The following PRH2 variants were observed in gnomAD, a reference collection of about 807,000 sequenced individuals.
The protein encoded by PRH2 is proline rich protein HaeIII subfamily 2, also known as salivary acidic proline-rich phosphoprotein 1/2.
In PRH2, 19 loss-of-function variants were observed where a neutral mutation model predicts 22.6. The observed-to-expected ratio is 0.84, with a 90% CI of 0.59 to 1.23. The LOEUF (loss-of-function observed/expected upper bound fraction) is 1.23, where lower values mean the gene tolerates loss of function less well. PRH2 is among the 50% of genes most tolerant of loss of function. The pLI is 0.00. For synonymous variants in PRH2, 45 were observed against 72.0 expected (o/e 0.63, Z 1.90); for missense variants, 109 against 203.0 (o/e 0.54, Z 2.81).
At position 10,933,174 on chromosome 12, in the gene PRH2, C is replaced by A. The variant is rs1052137454; in HGVS notation, c.*967C>A. ...TGTTTTAAAAGATGAGTTTTTCCTA[C>A]ATTCTGAAAAGCAAACATGAAAAAC... On this transcript the variant is annotated 3_prime_UTR_variant, in exon 4 of 4. Transcript: ENST00000396400. 1.3e-5 allele frequency among the ~76,000 whole-genome samples: 2 copies of A among 152,018 alleles called. No individual in the cohort carries two copies. Among genetic ancestry groups the A allele is most frequent in the Non-Finnish European group, 1.5e-5 (1 of 67,952 alleles).
rs191632982 is a variant in PRH2 at position 10,932,284 on chromosome 12, C to G, written c.*77C>G. On this transcript the variant is annotated 3_prime_UTR_variant, in exon 4 of 4. Transcript: ENST00000396400. ...CCTTGAAACATAATGTGATCATGCT[C>G]TAACTTCAATATACCAATAAAATAA... The G allele has an allele frequency of 3.2e-5, 13 of 407,552 alleles. No individual in the cohort carries two copies. Among genetic ancestry groups the G allele is most frequent in the Non-Finnish European group, 5.8e-5 (11 of 191,106 alleles). 25.2% of individuals were successfully genotyped at this position (407,552 alleles called of 1,614,324 possible).
chr12:10,931,714 A>T (rs1331711411), intron 3 of PRH2, among the ~76,000 whole-genome samples: 1 of 152,092 alleles, frequency 6.6e-6, no homozygotes, highest in African/African-American at 2.4e-5. Context: ...TTTTCCCACC[A>T]CTAATACCAC....
intron 1 of PRH2, among the ~76,000 whole-genome samples, chr12:10,929,580 T>C (rs1950173196): frequency 6.6e-6 from 1 of 152,050 alleles, no homozygotes; most frequent in African/African-American, 2.4e-5. Flanking sequence ...GAGATTTGCA[T>C]TTATAGAGAC....
chr12:10,931,472 T>C (rs1456458615), intron 3 of PRH2, among the ~76,000 whole-genome samples: 2 of 152,218 alleles, frequency 1.3e-5, no homozygotes, highest in African/African-American at 4.8e-5. Context: ...CCAGTATTCC[T>C]GCTAAATGGT....
Position 10,931,023 on chromosome 12 carries a change from C to A in PRH2, c.462C>A (p.Gly154=). ...GKPQGPPPQG[G]RPQGPPQGQS... is the part of the protein sequence containing the mutation. ...CCCAGGGACCACCTCCCCAAGGGGG[C>A]CGCCCACAAGGACCTCCACAGGGGC... The change falls in exon 3 of 4, where the codon GGC becomes GGA. Residue 154 remains glycine, a synonymous_variant. Coordinates refer to ENST00000396400, the MANE Select transcript of PRH2 (RefSeq NM_001110213.1). 6.3e-7 allele frequency: 1 copy of A among 1,592,386 alleles called. No homozygotes were observed.
Position 10,929,343 on chromosome 12 carries a change from C to A in PRH2, c.64+6C>A, listed in dbSNP as rs367724369. 5.6e-5 allele frequency: 91 copies of A among 1,613,860 alleles called. No homozygotes were observed. Among genetic ancestry groups the A allele is most frequent in the Non-Finnish European group, 7.5e-5 (89 of 1,180,032 alleles). ...AGCTCAGGACTTAGATGAAGGTAAG[C>A]CGAATTGGGGGAAGATATTGTGACT... is the stretch of plus-strand genomic sequence containing the variant. On this transcript the variant is annotated splice_donor_region_variant and intron_variant, in intron 1 of 3. Coordinates refer to ENST00000396400, the MANE Select transcript of PRH2 (RefSeq NM_001110213.1).
intron 1 of PRH2, 50 bp from the exon 2 acceptor site, chr12:10,930,219 T>C (rs1950183697): frequency 3.8e-6 from 6 of 1,588,762 alleles, no homozygotes; most frequent in African/African-American, 1.3e-5. Flanking sequence ...CTATGAGCTC[T>C]GAATGATTCA....
rs1020100764 is a variant in PRH2, at chr12:10,930,388, C to T, written c.100+84C>T. 2.6e-6 allele frequency: 4 copies of T among 1,545,448 alleles called. No individual in the cohort carries two copies. The African/African-American group carries it at 4.1e-5, about 16-fold the overall frequency. ...AGTTCTCCAGTGTCTTCTTATCATCCTTGTCAGGAATTGGCTAATATCAGT... is the reference window on the plus strand; with the variant it reads ...AGTTCTCCAGTGTCTTCTTATCATCTTTGTCAGGAATTGGCTAATATCAGT... On this transcript the variant is annotated intron_variant, in intron 2 of 3. Coordinates refer to ENST00000396400, the MANE Select transcript of PRH2 (RefSeq NM_001110213.1).
At position 10,929,305 on chromosome 12, in the gene PRH2, T is replaced by C. The variant is rs1169138040; in HGVS notation, c.32T>C (p.Leu11Pro). The change falls in exon 1 of 4, where the codon CTG becomes CCG. Residue 11 changes from leucine (L) to proline (P), a missense_variant. Leu to Pro is a moderately conservative substitution (Grantham distance 98). This residue lies in a region of PRH2 where 54 missense variants were observed against 60.5 expected (regional missense o/e 0.89). Coordinates refer to ENST00000396400, the MANE Select transcript of PRH2 (RefSeq NM_001110213.1). Reference protein sequence around the residue: MLLILLSVALLAFSSAQDLDE... With the variant: MLLILLSVALPAFSSAQDLDE... ...CTGATTCTGCTGTCAGTGGCCCTGC[T>C]GGCCTTCAGCTCAGCTCAGGACTTA... is the stretch of plus-strand genomic sequence containing the variant. 2 of 1,614,214 alleles carry C rather than the reference T, an allele frequency of 1.2e-6. No homozygotes were observed. The highest frequency in any genetic ancestry group is 1.7e-6 in the Non-Finnish European group (2 of 1,180,038).
intron 1 of PRH2, 84 bp downstream of exon 1, chr12:10,929,421 A>C: frequency 6.5e-7 from 1 of 1,546,698 alleles, no homozygotes. Context: ...GAGGGAAGAG[A>C]GGAGGATGAG....
Position 10,929,348 on chromosome 12 carries a change from T to A in PRH2, c.64+11T>A. On this transcript the variant is annotated intron_variant, in intron 1 of 3. Transcript: ENST00000396400. The stretch of plus-strand genomic sequence containing the variant: ...AGGACTTAGATGAAGGTAAGCCGAA[T>A]TGGGGGAAGATATTGTGACTCTGAT... The A allele has an allele frequency of 6.2e-7, 1 of 1,613,996 alleles. No individual in the cohort carries two copies. The highest frequency in any genetic ancestry group is 8.5e-7 in the Non-Finnish European group (1 of 1,180,008).
Position 10,929,307 on chromosome 12 carries a change from G to T in PRH2, c.34G>T (p.Ala12Ser), listed in dbSNP as rs745887063. The T allele has an allele frequency of 6.2e-7, 1 of 1,614,198 alleles. No homozygotes were observed. Among genetic ancestry groups the T allele is most frequent in the Non-Finnish European group, 8.5e-7 (1 of 1,180,038 alleles). The change falls in exon 1 of 4, where the codon GCC becomes TCC. Residue 12 changes from alanine (A) to serine (S), a missense_variant. By Grantham distance (99) the Ala-to-Ser change is moderately conservative. Transcript: ENST00000396400. ...LLILLSVALL[A>S]FSSAQDLDED... ...GATTCTGCTGTCAGTGGCCCTGCTG[G>T]CCTTCAGCTCAGCTCAGGACTTAGA... is the stretch of plus-strand genomic sequence containing the variant.
chr12:10,931,184 T>G, intron 3 of PRH2, 104 bp downstream of exon 3: 1 of 1,543,746 alleles, frequency 6.5e-7, no homozygotes, highest in Non-Finnish European at 8.7e-7. Context: ...TTCCGTGTCC[T>G]GGAACACATT....
chr12:10,931,686 C>G (rs371471569), intron 3 of PRH2, among the ~76,000 whole-genome samples: 1 of 152,294 alleles, frequency 6.6e-6, no homozygotes, highest in East Asian at 1.9e-4. Flanking sequence ...ATATTTATTG[C>G]TACATAACTA....
intron 3 of PRH2, 87 bp from the exon 4 acceptor site, chr12:10,932,139 C>A: frequency 2.7e-6 from 1 of 365,858 alleles, no homozygotes; most frequent in Non-Finnish European, 6.1e-6. Flanking sequence ...GATGGTTTTG[C>A]ATCTTCCTCA....
In PRH2 at chr12:10,929,291, G is replaced by A; in HGVS notation, c.18G>A (p.Leu6=). MLLIL[L]SVALLAFSSA... is the part of the protein sequence containing the mutation. ...TCTGCAAGATGCTTCTGATTCTGCT[G>A]TCAGTGGCCCTGCTGGCCTTCAGCT... Residue 6 remains leucine, a synonymous_variant, in exon 1 of 4, where the codon CTG becomes CTA. Coordinates refer to ENST00000396400, the MANE Select transcript of PRH2 (RefSeq NM_001110213.1). The A allele has an allele frequency of 6.2e-7, 1 of 1,614,194 alleles. No homozygotes were observed.
Position 10,933,452 on chromosome 12 carries a change from ACTACT to A in PRH2, c.*1249_*1253del, listed in dbSNP as rs142298565. On this transcript the variant is annotated 3_prime_UTR_variant, in exon 4 of 4. Transcript: ENST00000396400. The stretch of plus-strand genomic sequence containing the variant: ...TCTTGAAAAAAAATTTTTTGATATG[ACTACT>A]CTAACAGTAATAACTATAAATCTCA... 2.7e-3 allele frequency among the ~76,000 whole-genome samples: 408 copies of A among 152,178 alleles called. 1 individual carries two copies. The highest frequency in any genetic ancestry group is 9.5e-3 in the African/African-American group (396 of 41,554).
At position 10,929,312 on chromosome 12, in the gene PRH2, C is replaced by T; in HGVS notation, c.39C>T (p.Phe13=). The change falls in exon 1 of 4, where the codon TTC becomes TTT. Residue 13 remains phenylalanine (F), a synonymous_variant. Coordinates refer to ENST00000396400, the MANE Select transcript of PRH2 (RefSeq NM_001110213.1). ...LILLSVALLA[F]SSAQDLDEDV... ...TGCTGTCAGTGGCCCTGCTGGCCTT[C>T]AGCTCAGCTCAGGACTTAGATGAAG... is the stretch of plus-strand genomic sequence containing the variant. 1 of 1,614,156 alleles carries T rather than the reference C, an allele frequency of 6.2e-7. No individual in the cohort carries two copies. The highest frequency in any genetic ancestry group is 1.1e-5 in the South Asian group (1 of 91,080).
chr12:10,930,362 C>T lies in PRH2; in HGVS notation c.100+58C>T, dbSNP rs77915128. 5 of 1,565,182 alleles carry T rather than the reference C, an allele frequency of 3.2e-6. No homozygotes were observed. The African/African-American group carries it at 5.4e-5, about 17-fold the overall frequency. ...CTCCATTTTTCCCTGAAAAATTGAT[C>T]AGTTCTCCAGTGTCTTCTTATCATC... On this transcript the variant is annotated intron_variant, in intron 2 of 3. Transcript: ENST00000396400.
Sources: allele counts gnomAD v4.1 joint callset (sites outside exome capture counted in the v4.1 genomes callset), GRCh38; gene constraint gnomAD v4.1.1; regional missense constraint gnomAD v4.1.1; transcripts MANE v1.5; gene names NCBI Gene and HGNC (gene_info 2026-07-23, HGNC 2026-07-21).